PLCH1: variants seen among roughly 807,000 people sequenced by gnomAD.
PLCH1 encodes the protein 1-phosphatidylinositol 4,5-bisphosphate phosphodiesterase eta-1.
In PLCH1, 60 loss-of-function variants were observed where a neutral mutation model predicts 126.7. The ratio of observed to expected loss-of-function variants is 0.47; its 90% confidence interval spans 0.38 to 0.59. The LOEUF (loss-of-function observed/expected upper bound fraction) is 0.59, where lower values mean the gene tolerates loss of function less well. Among genes scored for constraint, PLCH1 ranks in the 20% least tolerant of loss-of-function variants. PLCH1 has a pLI of 0.00. For missense variants in PLCH1, 1,723 were observed against 2,040.0 expected (o/e 0.84, Z 2.99); for synonymous variants, 719 against 734.9 (o/e 0.98, Z 0.35).
intron 10 of PLCH1, among the ~76,000 whole-genome samples, chr3:155,537,995 G>A (rs1312901792): frequency 6.6e-6 from 1 of 151,950 alleles, no homozygotes; most frequent in South Asian, 2.1e-4. Flanking sequence ...CCATATGACA[G>A]GCCACAAAAC....
chr3:155,580,349 G>A (rs938200096), intron 6 of PLCH1, among the ~76,000 whole-genome samples: 1 of 152,120 alleles, frequency 6.6e-6, no homozygotes, highest in Non-Finnish European at 1.5e-5. Flanking sequence ...AAACATTGAA[G>A]ACTCTGATCA....
At chr3:155,485,812 T>C (rs2108036361) in intron 21 of PLCH1, 102 bp from the exon 22 acceptor site, 2 of 686,282 alleles carry the variant, frequency 2.9e-6, no homozygotes, top group Middle Eastern at 2.8e-4. Flanking sequence ...TAAACCAAAA[T>C]CGTACAGCCA....
intron 1 of PLCH1, among the ~76,000 whole-genome samples, chr3:155,728,811 G>C (rs1475337508): frequency 6.6e-6 from 1 of 152,048 alleles, no homozygotes; most frequent in East Asian, 1.9e-4. Context: ...TGGAAATTAA[G>C]ACCATATTAA....
intron 9 of PLCH1, among the ~76,000 whole-genome samples, chr3:155,551,349 G>A (rs1726084276): frequency 6.7e-6 from 1 of 148,516 alleles, no homozygotes; most frequent in East Asian, 2.0e-4. Flanking sequence ...GGAGGCTGAG[G>A]CAAGAGAATC....
intron 2 of PLCH1, among the ~76,000 whole-genome samples, chr3:155,646,739 C>G (rs541933810): frequency 6.6e-6 from 1 of 152,286 alleles, no homozygotes; most frequent in Non-Finnish European, 1.5e-5. Context: ...CTCCTTGAAC[C>G]TCCTCCCTAA....
chr3:155,668,554 T>C (rs1431404364), intron 2 of PLCH1, among the ~76,000 whole-genome samples: 3 of 151,834 alleles, frequency 2.0e-5, no homozygotes, highest in Non-Finnish European at 2.9e-5. Context: ...TGTGGAGAGA[T>C]TACAACAAAT....
chr3:155,620,601 A>G (rs1383275492), intron 2 of PLCH1, among the ~76,000 whole-genome samples: 4 of 152,226 alleles, frequency 2.6e-5, no homozygotes, highest in Non-Finnish European at 5.9e-5. Context: ...CCATCAAGAA[A>G]GAACCAAAGT....
chr3:155,504,729 G>T, intron 12 of PLCH1, 103 bp from the exon 13 acceptor site: 1 of 714,090 alleles, frequency 1.4e-6, no homozygotes, highest in African/African-American at 1.8e-5. Context: ...TCTTCTGTTT[G>T]CCTCTAGGTG....
intron 2 of PLCH1, among the ~76,000 whole-genome samples, chr3:155,606,890 T>C (rs997381074): frequency 2.0e-5 from 3 of 152,242 alleles, no homozygotes; most frequent in Non-Finnish European, 4.4e-5. Context: ...CTGTTTTACC[T>C]TCCAGTTGTG....
chr3:155,471,462 CCA>C (rs1167341996), intron 21 of PLCH1, among the ~76,000 whole-genome samples: 1 of 146,878 alleles, frequency 6.8e-6, no homozygotes, highest in East Asian at 2.0e-4. Flanking sequence ...ACTTAGACTC[CCA>C]CACATTAATA....
chr3:155,451,021 G>A (rs747105769), intron 21 of PLCH1, among the ~76,000 whole-genome samples: 15 of 152,052 alleles, frequency 9.9e-5, no homozygotes, highest in Non-Finnish European at 1.6e-4. Context: ...ATGATTTAAA[G>A]AAGATCCCCT....
chr3:155,601,050 C>T (rs574414538), intron 2 of PLCH1, among the ~76,000 whole-genome samples: 2 of 152,344 alleles, frequency 1.3e-5, no homozygotes, highest in South Asian at 2.1e-4. Context: ...TCTCGGCTCA[C>T]TGCAAGCTCC....
chr3:155,612,328 T>C (rs1735210005), intron 2 of PLCH1, among the ~76,000 whole-genome samples: 1 of 131,696 alleles, frequency 7.6e-6, no homozygotes, highest in African/African-American at 2.8e-5. Flanking sequence ...AAACTCTGTC[T>C]CAAAAAAAAA....
At chr3:155,657,455 C>G (rs75257158) in intron 2 of PLCH1, among the ~76,000 whole-genome samples, 1,910 of 152,136 alleles carry the variant, frequency 0.013, 40 homozygotes, top group African/African-American at 0.043. Flanking sequence ...AGAAGAGCTC[C>G]GGAGATAGAT....
chr3:155,742,646 A>G (rs554811479), intron 1 of PLCH1: 1 of 152,400 alleles, frequency 6.6e-6, no homozygotes, highest in African/African-American at 2.4e-5. Context: ...GTCACAAAGT[A>G]TCTGAACCTG....
chr3:155,519,516 G>T (rs1299363233), intron 11 of PLCH1, among the ~76,000 whole-genome samples: 1 of 152,048 alleles, frequency 6.6e-6, no homozygotes, highest in Admixed American at 6.5e-5. Flanking sequence ...ATTCCAGACT[G>T]GGAAGATCCA....
At chr3:155,737,228 T>C (rs1335276351) in intron 1 of PLCH1, among the ~76,000 whole-genome samples, 1 of 13,774 alleles carries the variant, frequency 7.3e-5, no homozygotes, top group Admixed American at 6.2e-4. Context: ...CAAGCCTCCG[T>C]CTCAAAAAAA....
chr3:155,693,599 T>C (rs368911543), intron 2 of PLCH1, among the ~76,000 whole-genome samples: 1 of 151,736 alleles, frequency 6.6e-6, no homozygotes, highest in African/African-American at 2.4e-5. Flanking sequence ...TGTGTTGCTA[T>C]CATCAGAAAA....
chr3:155,718,464 T>C (rs1747689699), intron 1 of PLCH1, among the ~76,000 whole-genome samples: 1 of 152,226 alleles, frequency 6.6e-6, no homozygotes, highest in South Asian at 2.1e-4. Context: ...CTTGCATTGC[T>C]ATAAAGAAAT....
Sources: gnomAD v4.1 joint callset for allele counts (sites outside exome capture counted in the v4.1 genomes callset) on GRCh38, gnomAD v4.1.1 for gene constraint, MANE v1.5 for transcripts, NCBI Gene and HGNC (gene_info 2026-07-23, HGNC 2026-07-21) for gene names.